Variants in PRKN observed in about 807,000 individuals in gnomAD.
PRKN encodes the protein E3 ubiquitin-protein ligase parkin.
Under a neutral mutation model 59.5 loss-of-function variants are expected in PRKN, and 56 were observed. The ratio of observed to expected loss-of-function variants is 0.94; its 90% confidence interval spans 0.76 to 1.18. The LOEUF (loss-of-function observed/expected upper bound fraction) is 1.18. Ranked by LOEUF, PRKN falls within the 50% of genes most tolerant of loss-of-function variation. PRKN has a pLI of 0.00. For missense variants in PRKN, 657 were observed against 596.4 expected (o/e 1.10, Z -1.06); for synonymous variants, 250 against 222.1 (o/e 1.13, Z -1.12).
At chr6:161,896,037 A>C (rs1030923885) in intron 6 of PRKN, among the ~76,000 whole-genome samples, 7 of 152,218 alleles carry the variant, frequency 4.6e-5, no homozygotes, top group African/African-American at 1.7e-4. Flanking sequence ...AAATCCCCTC[A>C]GCAGTGTTGG....
intron 6 of PRKN, among the ~76,000 whole-genome samples, chr6:161,926,234 C>T (rs945967729): frequency 1.1e-4 from 16 of 152,134 alleles, no homozygotes; most frequent in African/African-American, 3.1e-4. Flanking sequence ...ATGATCTATT[C>T]GGTAGTCCTA....
chr6:162,646,089 G>A (rs1778171747), intron 1 of PRKN, among the ~76,000 whole-genome samples: 1 of 151,680 alleles, frequency 6.6e-6, no homozygotes, highest in African/African-American at 2.4e-5. Flanking sequence ...AGCCAGGATG[G>A]TCTCGATCTC....
chr6:161,624,176 C>T (rs1783005496), intron 7 of PRKN, among the ~76,000 whole-genome samples: 1 of 152,202 alleles, frequency 6.6e-6, no homozygotes, highest in African/African-American at 2.4e-5. Context: ...CAAAAAGAGA[C>T]AGTGCCACAT....
At chr6:161,947,136 T>A (rs1487198925) in intron 6 of PRKN, among the ~76,000 whole-genome samples, 1 of 152,214 alleles carries the variant, frequency 6.6e-6, no homozygotes, top group Non-Finnish European at 1.5e-5. Flanking sequence ...ACGTGTTATA[T>A]GTAAAATATA....
intron 1 of PRKN, among the ~76,000 whole-genome samples, chr6:162,612,861 G>A (rs184958446): frequency 6.6e-6 from 1 of 152,162 alleles, no homozygotes; most frequent in African/African-American, 2.4e-5. Context: ...GCACCTTGCT[G>A]CTCACACATT....
chr6:161,803,826 G>A (rs1479118421), intron 6 of PRKN, among the ~76,000 whole-genome samples: 2 of 152,186 alleles, frequency 1.3e-5, no homozygotes, highest in African/African-American at 2.4e-5. Context: ...GCGGGTCTGC[G>A]ACACAGATGC....
intron 6 of PRKN, among the ~76,000 whole-genome samples, chr6:161,872,415 C>G (rs1794377304): frequency 6.6e-6 from 1 of 152,146 alleles, no homozygotes; most frequent in African/African-American, 2.4e-5. Flanking sequence ...CTTTATCTTT[C>G]TCAAATCTTC....
chr6:162,146,506 A>G (rs1583101952), intron 4 of PRKN, among the ~76,000 whole-genome samples: 1 of 150,702 alleles, frequency 6.6e-6, no homozygotes, highest in East Asian at 1.9e-4. Context: ...CATTATATAT[A>G]TATAAATTTT....
intron 9 of PRKN, among the ~76,000 whole-genome samples, chr6:161,450,145 C>T (rs533743028): frequency 1.7e-3 from 255 of 152,262 alleles, no homozygotes; most frequent in African/African-American, 5.9e-3. Flanking sequence ...TATACCTTTT[C>T]GAGTCTCTCC....
rs185449401 is a variant in PRKN at position 161,459,953 on chromosome 6, A to G, written c.1084-73076T>C. ...TGGCTGTTGATATTTTGTAAAAAAA[A>G]AAATCTATTTATCCATCAAATCACA... On this transcript the variant is annotated intron_variant, in intron 9 of 11. Coordinates refer to ENST00000366898, the MANE Select transcript of PRKN (RefSeq NM_004562.3). This position sits in a 1 kb window ranked among gnomAD's most constrained non-coding sequence, Gnocchi z 4.8. 1.3e-5 allele frequency among the ~76,000 whole-genome samples: 2 copies of G among 152,334 alleles called. No individual in the cohort carries two copies. Among genetic ancestry groups the G allele is most frequent in the East Asian group, 1.9e-4 (1 of 5,178 alleles).
chr6:161,752,017 G>A (rs1223381634), intron 7 of PRKN, among the ~76,000 whole-genome samples: 1 of 152,246 alleles, frequency 6.6e-6, no homozygotes, highest in African/African-American at 2.4e-5. Flanking sequence ...GGAGAGATAT[G>A]AAAGGAACCT....
rs554911826 is a variant in PRKN at position 161,415,535 on chromosome 6, C to A, written c.1084-28658G>T. 2.3e-4 allele frequency among the ~76,000 whole-genome samples: 35 copies of A among 150,618 alleles called. No individual in the cohort carries two copies. In the East Asian group the frequency reaches 6.6e-3, roughly 28 times the overall value. On this transcript the variant is annotated intron_variant, in intron 9 of 11. Transcript: ENST00000366898. ...CAGCCACAGATGAGGAAACGCAGAG[C>A]CTTCCAGGTGTTATAACTCTTTTCT...
chr6:161,807,032 C>G (rs139053728), intron 6 of PRKN, among the ~76,000 whole-genome samples: 7 of 152,242 alleles, frequency 4.6e-5, no homozygotes, highest in Middle Eastern at 3.4e-3. Flanking sequence ...CTTTGATTTG[C>G]GCTGTAAGTG....
intron 1 of PRKN, among the ~76,000 whole-genome samples, chr6:162,513,487 G>GAAAAT (rs775825263): frequency 6.7e-6 from 1 of 150,200 alleles, no homozygotes; most frequent in Non-Finnish European, 1.5e-5. Context: ...GAAAAGAAAA[G>GAAAAT]AAAAGAGGGA....
intron 2 of PRKN, among the ~76,000 whole-genome samples, chr6:162,299,673 A>G (rs969604558): frequency 9.2e-5 from 14 of 151,472 alleles, no homozygotes; most frequent in Non-Finnish European, 1.8e-4. Flanking sequence ...AAATATATAC[A>G]TATATTTATT....
intron 5 of PRKN, among the ~76,000 whole-genome samples, chr6:162,053,800 TCACCTCTCCTTTTCC>T (rs1562485567): frequency 6.6e-6 from 1 of 152,206 alleles, no homozygotes; most frequent in African/African-American, 2.4e-5. Context: ...TCTCCTTTTC[TCACCTCTCCTTTTCC>T]TTCTATGGAT....
At chr6:161,648,680 G>A (rs766003712) in intron 7 of PRKN, among the ~76,000 whole-genome samples, 7 of 152,112 alleles carry the variant, frequency 4.6e-5, no homozygotes, top group East Asian at 1.9e-4. Flanking sequence ...TTTGTAATTC[G>A]TTGCAGAAAA....
intron 4 of PRKN, among the ~76,000 whole-genome samples, chr6:162,120,073 A>T: frequency 6.6e-6 from 1 of 152,194 alleles, no homozygotes; most frequent in Non-Finnish European, 1.5e-5. Flanking sequence ...ACTGGAGCTC[A>T]GTGGCGAGAC....
rs2114837044 is a variant in PRKN, at chr6:161,352,832, G to A, written c.1286-2621C>T. Among the ~76,000 whole-genome samples, 1 of 151,332 alleles carries A rather than the reference G, an allele frequency of 6.6e-6. No homozygotes were observed. The highest frequency in any genetic ancestry group is 1.9e-4 in the East Asian group (1 of 5,160). Reference sequence around the variant, plus strand: ...GTCTCGCTCTGTCGCCCAGGCTGGAGTACAGGGCGCGATCTGGGCTCACTG... The same window carrying A: ...GTCTCGCTCTGTCGCCCAGGCTGGAATACAGGGCGCGATCTGGGCTCACTG... On this transcript the variant is annotated intron_variant, in intron 11 of 11. Transcript: ENST00000366898. This position sits in a 1 kb window ranked among gnomAD's most constrained non-coding sequence, Gnocchi z 5.8.
Sources: allele counts gnomAD v4.1 joint callset (sites outside exome capture counted in the v4.1 genomes callset), GRCh38; gene constraint gnomAD v4.1.1; non-coding constraint Gnocchi (gnomAD v3.1); transcripts MANE v1.5; gene names NCBI Gene and HGNC (gene_info 2026-07-23, HGNC 2026-07-21).